Variants in APBA2 observed in about 807,000 individuals in gnomAD.
The protein encoded by APBA2 is amyloid beta precursor protein binding family A member 2.
Under a neutral mutation model 75.0 loss-of-function variants are expected in APBA2, and 30 were observed. The ratio of observed to expected loss-of-function variants is 0.40; its 90% CI spans 0.30 to 0.54. APBA2 has a LOEUF of 0.54. Among genes scored for constraint, APBA2 ranks in the 20% least tolerant of loss-of-function variants. APBA2 has a pLI of 0.49. For missense variants in APBA2, 801 were observed against 1,016.1 expected, an observed-to-expected ratio of 0.79 and a Z score of 2.88; for synonymous variants, 444 against 409.6, an observed-to-expected ratio of 1.08 and a Z score of -1.01.
chr15:29,087,990 C>G (rs542765980), intron 6 of APBA2, among the ~76,000 whole-genome samples: 40 of 152,350 alleles, frequency 2.6e-4, no homozygotes, highest in Admixed American at 1.1e-3. Flanking sequence ...CCCGCTCTAC[C>G]TGCCCCTTTT....
intron 1 of APBA2, among the ~76,000 whole-genome samples, chr15:28,907,847 T>C (rs1162772187): frequency 6.6e-6 from 1 of 152,240 alleles, no homozygotes; most frequent in Non-Finnish European, 1.5e-5. Context: ...GGGGAGTGGC[T>C]GCTGCTGGTG....
chr15:28,967,943 A>G (rs1275367854), intron 2 of APBA2, among the ~76,000 whole-genome samples: 1 of 152,142 alleles, frequency 6.6e-6, no homozygotes. Flanking sequence ...TTAAGCAGTA[A>G]TTGTCCATTC....
intron 13 of APBA2, among the ~76,000 whole-genome samples, chr15:29,111,733 AC>A (rs1377830165): frequency 6.6e-6 from 1 of 152,078 alleles, no homozygotes; most frequent in African/African-American, 2.4e-5. Context: ...AGAGGCTGTC[AC>A]AGTGGCTGCC....
At chr15:29,014,111 T>C (rs2039538715) in intron 3 of APBA2, among the ~76,000 whole-genome samples, 1 of 152,204 alleles carries the variant, frequency 6.6e-6, no homozygotes, top group African/African-American at 2.4e-5. Flanking sequence ...AGCCAGATCA[T>C]TGGAGAATCC....
chr15:28,930,418 C>T (rs1363008069), intron 2 of APBA2, among the ~76,000 whole-genome samples: 1 of 152,172 alleles, frequency 6.6e-6, no homozygotes, highest in Non-Finnish European at 1.5e-5. Flanking sequence ...CTGGAGCTTT[C>T]TGTCGTTCTA....
intron 2 of APBA2, among the ~76,000 whole-genome samples, chr15:28,960,596 C>A (rs2036416227): frequency 6.6e-6 from 1 of 152,032 alleles, no homozygotes; most frequent in East Asian, 1.9e-4. Context: ...CTCTCACACC[C>A]TCCTAGGTTC....
intron 3 of APBA2, among the ~76,000 whole-genome samples, chr15:29,003,788 G>T (rs1289835920): frequency 6.6e-6 from 1 of 152,244 alleles, no homozygotes; most frequent in East Asian, 1.9e-4. Flanking sequence ...TCTTCCTGAA[G>T]GAAGCCTTGG....
At chr15:29,021,087 A>G (rs901610699) in intron 3 of APBA2, among the ~76,000 whole-genome samples, 2 of 152,148 alleles carry the variant, frequency 1.3e-5, no homozygotes, top group African/African-American at 4.8e-5. Flanking sequence ...CCATATAAAT[A>G]TATTCATAAA....
chr15:28,892,106 G>A (rs957325901), intron 1 of APBA2, among the ~76,000 whole-genome samples: 14 of 151,918 alleles, frequency 9.2e-5, no homozygotes, highest in African/African-American at 3.4e-4. Flanking sequence ...ACGGAGTCTC[G>A]CCCTGTCACC....
intron 2 of APBA2, among the ~76,000 whole-genome samples, chr15:28,992,547 A>G (rs555615859): frequency 6.6e-6 from 1 of 152,328 alleles, no homozygotes; most frequent in Admixed American, 6.5e-5. Flanking sequence ...CAAAATATTC[A>G]TGAGAGAAGC....
chr15:28,932,414 C>A (rs373308999), intron 2 of APBA2, among the ~76,000 whole-genome samples: 1 of 152,176 alleles, frequency 6.6e-6, no homozygotes, highest in Non-Finnish European at 1.5e-5. Flanking sequence ...TAGAGACCCT[C>A]TCCTCTGAGC....
intron 2 of APBA2, among the ~76,000 whole-genome samples, chr15:28,987,236 C>T (rs570854347): frequency 6.6e-6 from 1 of 152,278 alleles, no homozygotes; most frequent in Admixed American, 6.5e-5. Flanking sequence ...TATTGGTTAC[C>T]TATTTCTGTG....
chr15:28,939,467 A>G (rs571089939), intron 2 of APBA2, among the ~76,000 whole-genome samples: 2 of 152,272 alleles, frequency 1.3e-5, no homozygotes, highest in South Asian at 4.1e-4. Context: ...TTACATTTCT[A>G]TTATGCCAAC....
chr15:28,944,894 C>T (rs1216664291), intron 2 of APBA2, among the ~76,000 whole-genome samples: 1 of 152,224 alleles, frequency 6.6e-6, no homozygotes, highest in Admixed American at 6.5e-5. Flanking sequence ...CTGGTGGCAC[C>T]TGGAAGAGCA....
At chr15:28,910,864 A>G (rs1211327980) in intron 1 of APBA2, among the ~76,000 whole-genome samples, 1 of 152,186 alleles carries the variant, frequency 6.6e-6, no homozygotes, top group East Asian at 1.9e-4. Context: ...TGGGCTTGAT[A>G]TGAAGTTATT....
At chr15:28,944,758 A>T (rs2035446133) in intron 2 of APBA2, among the ~76,000 whole-genome samples, 1 of 152,204 alleles carries the variant, frequency 6.6e-6, no homozygotes, top group African/African-American at 2.4e-5. Flanking sequence ...TGAAAAAGAG[A>T]CACTGGAAAA....
At chr15:29,012,633 A>G (rs1170380657) in intron 3 of APBA2, among the ~76,000 whole-genome samples, 1 of 152,148 alleles carries the variant, frequency 6.6e-6, no homozygotes, top group Non-Finnish European at 1.5e-5. Flanking sequence ...TATTCATTGT[A>G]TACTTTGGGC....
Position 29,112,137 on chromosome 15 carries a change from A to G in APBA2, c.2038-1739A>G, listed in dbSNP as rs537708521. 5.0e-4 allele frequency among the ~76,000 whole-genome samples: 76 copies of G among 152,288 alleles called. 1 individual carries two copies. The South Asian group carries it at 0.014, about 29-fold the overall frequency. ...GCCCTTCGCCTGAAGTCCTAGCTCC[A>G]GCTGGCCTGGGGCAGCCACTCGGCA... On this transcript the variant is annotated intron_variant, in intron 13 of 14. Coordinates refer to ENST00000683413, the MANE Select transcript of APBA2 (RefSeq NM_001353788.2).
At chr15:28,926,769 GAAGGATAC>G in intron 2 of APBA2, among the ~76,000 whole-genome samples, 2 of 151,118 alleles carry the variant, frequency 1.3e-5, no homozygotes, top group African/African-American at 4.9e-5. Context: ...CTTCATTTTT[GAAGGATAC>G]TTTTTCTGAA....
Sources: gnomAD v4.1 joint callset for allele counts (sites outside exome capture counted in the v4.1 genomes callset) on GRCh38, gnomAD v4.1.1 for gene constraint, MANE v1.5 for transcripts, NCBI Gene and HGNC (gene_info 2026-07-23, HGNC 2026-07-21) for gene names.